The following COL27A1 variants were observed in gnomAD, a reference collection of about 807,000 sequenced individuals.
COL27A1 encodes collagen alpha-1(XXVII) chain.
COL27A1 carries 106 observed loss-of-function variants against 251.3 expected under a neutral mutation model. The ratio of observed to expected loss-of-function variants is 0.42; its 90% CI spans 0.36 to 0.50. The LOEUF is 0.50. Ranked by LOEUF, COL27A1 falls within the 20% of genes least tolerant of loss-of-function variation. The pLI is 0.00. For synonymous variants in COL27A1, 1,000 were observed against 986.3 expected, an observed-to-expected ratio of 1.01 and a Z score of -0.26; for missense variants, 2,325 against 2,522.8, an observed-to-expected ratio of 0.92 and a Z score of 1.68.
At chr9:114,271,718 G>A (rs1835162456) in intron 36 of COL27A1, 1 of 152,736 alleles carries the variant, frequency 6.5e-6, no homozygotes, top group Non-Finnish European at 1.5e-5. Context: ...CCCCGAGGCT[G>A]GCCGGTCACC....
intron 3 of COL27A1, among the ~76,000 whole-genome samples, chr9:114,176,640 G>C (rs1370767661): frequency 6.6e-6 from 1 of 152,068 alleles, no homozygotes; most frequent in Non-Finnish European, 1.5e-5. Context: ...CTGGCACCCA[G>C]AGTCCAGAAC....
At chr9:114,237,815 C>T in intron 19 of COL27A1, 100 bp downstream of exon 19, 3 of 936,682 alleles carry the variant, frequency 3.2e-6, no homozygotes, top group Admixed American at 1.8e-5. Flanking sequence ...TGCTTTAGGT[C>T]ACACAGGATA....
At chr9:114,303,385 C>T (rs902652627) in intron 56 of COL27A1, among the ~76,000 whole-genome samples, 25 of 151,794 alleles carry the variant, frequency 1.6e-4, no homozygotes, top group Non-Finnish European at 1.0e-4. Flanking sequence ...ATTATAGGCG[C>T]GAACCACCAC....
At chr9:114,167,102 A>G (rs1014062754) in intron 2 of COL27A1, among the ~76,000 whole-genome samples, 2 of 152,308 alleles carry the variant, frequency 1.3e-5, no homozygotes, top group East Asian at 3.9e-4. Flanking sequence ...TGACAGGTCT[A>G]TTCTTGTCAT....
rs772087920 is a variant in COL27A1, at chr9:114,309,345, T to C, written c.5303T>C (p.Leu1768Pro). Residue 1768 changes from leucine to proline, a missense_variant, in exon 60 of 61, where the codon CTT (leucine) becomes CCT (proline). Coordinates refer to ENST00000356083, the MANE Select transcript of COL27A1 (RefSeq NM_032888.4). ...EVTQHITIHC[L>P]NMTVWQEGTG... ...ACCCAGCACATCACCATCCACTGCCTTAACATGACCGTGTGGCAGGAGGGC... is the reference window on the plus strand; with the variant it reads ...ACCCAGCACATCACCATCCACTGCCCTAACATGACCGTGTGGCAGGAGGGC... 6.2e-7 allele frequency: 1 copy of C among 1,614,098 alleles called. No homozygotes were observed. The highest frequency in any genetic ancestry group is 8.5e-7 in the Non-Finnish European group (1 of 1,180,022).
At chr9:114,195,430 A>G (rs2135246426) in intron 6 of COL27A1, among the ~76,000 whole-genome samples, 1 of 152,316 alleles carries the variant, frequency 6.6e-6, no homozygotes, top group East Asian at 1.9e-4. Context: ...ACGGAGGCCT[A>G]GGCAGGGGTG....
At chr9:114,266,161 C>T (rs781747631) in intron 32 of COL27A1, among the ~76,000 whole-genome samples, 7 of 152,126 alleles carry the variant, frequency 4.6e-5, no homozygotes, top group Non-Finnish European at 8.8e-5. Flanking sequence ...TCCTCAAGGC[C>T]GCTGCTGCAT....
chr9:114,284,761 G>C lies in COL27A1; in HGVS notation c.3971G>C (p.Gly1324Ala), dbSNP rs746935355. 1.9e-6 allele frequency: 3 copies of C among 1,614,224 alleles called. No individual in the cohort carries two copies. Among genetic ancestry groups the C allele is most frequent in the Non-Finnish European group, 2.5e-6 (3 of 1,180,034 alleles). ...KGIVGPLGPP[G>A]PKGEKGEQGE... ...ATTGTGGGACCCCTTGGACCTCCTG[G>C]ACCAAAAGGCGAAAAGGTGGGTGTT... is the stretch of plus-strand genomic sequence containing the variant. Residue 1324 changes from glycine (G) to alanine (A), a missense_variant, in exon 41 of 61, where the codon GGA becomes GCA. By Grantham distance (60) the Gly-to-Ala change is moderately conservative. Transcript: ENST00000356083.
At chr9:114,282,408 C>T (rs1835974464) in intron 38 of COL27A1, 49 bp from the exon 39 acceptor site, 9 of 1,608,618 alleles carry the variant, frequency 5.6e-6, no homozygotes, top group East Asian at 2.2e-5. Flanking sequence ...CTCCCTGGAC[C>T]CTCCGTCCTG....
At chr9:114,166,713 T>C (rs912923323) in intron 2 of COL27A1, among the ~76,000 whole-genome samples, 4 of 152,208 alleles carry the variant, frequency 2.6e-5, no homozygotes, top group Admixed American at 6.5e-5. Context: ...CTCAGCTGAC[T>C]GAAGGGGTCT....
chr9:114,242,063 G>A, intron 21 of COL27A1, 124 bp from the exon 22 acceptor site: 2 of 812,444 alleles, frequency 2.5e-6, no homozygotes, highest in South Asian at 2.4e-5. Flanking sequence ...CAGGCGTGCT[G>A]TTTCCCTTTG....
At chr9:114,258,664 CAGAGA>C in intron 28 of COL27A1, 70 bp downstream of exon 28, 2 of 1,490,916 alleles carry the variant, frequency 1.3e-6, no homozygotes, top group Non-Finnish European at 1.9e-6. Context: ...GGCCATCTGC[CAGAGA>C]CTGCCTGGGC....
intron 24 of COL27A1, among the ~76,000 whole-genome samples, chr9:114,246,690 G>A (rs376335367): frequency 1.4e-4 from 21 of 152,318 alleles, no homozygotes; most frequent in Middle Eastern, 6.8e-3. Flanking sequence ...CGTCAGTGGC[G>A]TGAGAGTCAC....
chr9:114,157,260 C>T lies in COL27A1; in HGVS notation c.62+1248C>T, dbSNP rs1023875337. Among the ~76,000 whole-genome samples, 5 of 152,352 alleles carry T rather than the reference C, an allele frequency of 3.3e-5. No individual in the cohort carries two copies. The East Asian group carries it at 5.8e-4, about 18-fold the overall frequency. On this transcript the variant is annotated intron_variant, in intron 1 of 60. Coordinates refer to ENST00000356083, the MANE Select transcript of COL27A1 (RefSeq NM_032888.4). ...GGGCAAGTGGGCAGTCAACACTGCT[C>T]GGAGGCCCAGTCTCTGCCTTCTCCT...
At position 114,301,679 on chromosome 9, in the gene COL27A1, C is replaced by A. The variant is rs758742587; in HGVS notation, c.4810-3C>A. Reference sequence around the variant, plus strand: ...GCTCACTCTTCTTCTCTTGTTCCCCCAGGGTCCTCCCGGCCCCAGAGGGCG... The same window carrying A: ...GCTCACTCTTCTTCTCTTGTTCCCCAAGGGTCCTCCCGGCCCCAGAGGGCG... On this transcript the variant is annotated splice_polypyrimidine_tract_variant and splice_region_variant and intron_variant, in intron 54 of 60. Coordinates refer to ENST00000356083, the MANE Select transcript of COL27A1 (RefSeq NM_032888.4). The A allele has an allele frequency of 1.2e-6, 2 of 1,609,366 alleles. No homozygotes were observed.
chr9:114,269,220 C>T (rs1442137777), intron 34 of COL27A1, 21 bp from the exon 35 acceptor site: 1 of 1,575,048 alleles, frequency 6.3e-7, no homozygotes, highest in Non-Finnish European at 8.6e-7. Flanking sequence ...CCCGCAAGGA[C>T]TTTTGTTCGG....
rs749801104 is a variant in COL27A1 at position 114,231,084 on chromosome 9, C to T, written c.2472C>T (p.Asp824=). Reference sequence around the variant, plus strand: ...TTCTCTTTCTCTCCCCACAGGGTGACTTAGGAGTGTTGGGTCCGATTGGCT... The same window carrying T: ...TTCTCTTTCTCTCCCCACAGGGTGATTTAGGAGTGTTGGGTCCGATTGGCT... ...GPPGVPGLIG[D]LGVLGPIGYP... The change falls in exon 15 of 61, where the codon GAC becomes GAT. Residue 824 remains aspartate, a synonymous_variant. Transcript: ENST00000356083. The T allele has an allele frequency of 1.2e-6, 2 of 1,613,190 alleles. No homozygotes were observed. Among genetic ancestry groups the T allele is most frequent in the East Asian group, 4.5e-5 (2 of 44,860 alleles).
intron 48 of COL27A1, among the ~76,000 whole-genome samples, chr9:114,291,399 GAC>G (rs1348084117): frequency 2.6e-5 from 4 of 152,180 alleles, no homozygotes; most frequent in Non-Finnish European, 4.4e-5. Flanking sequence ...AACCCTCTGA[GAC>G]ACAGGAGGCG....
chr9:114,209,610 C>T (rs1209320380), intron 10 of COL27A1, 65 bp from the exon 11 acceptor site: 63 of 1,458,984 alleles, frequency 4.3e-5, no homozygotes, highest in Non-Finnish European at 5.1e-5. Flanking sequence ...GGGTGGGCTG[C>T]GGCAGGTTGG....
Sources: allele counts gnomAD v4.1 joint callset (sites outside exome capture counted in the v4.1 genomes callset), GRCh38; gene constraint gnomAD v4.1.1; transcripts MANE v1.5; gene names NCBI Gene and HGNC (gene_info 2026-07-23, HGNC 2026-07-21).